The following KCNMA1 variants were observed in gnomAD, a reference collection of about 807,000 sequenced individuals.
KCNMA1 encodes potassium calcium-activated channel subfamily M alpha 1.
In KCNMA1, 29 loss-of-function variants were observed where a neutral mutation model predicts 140.0. That is an observed-to-expected ratio of 0.21 (90% CI 0.15 to 0.28). The LOEUF (loss-of-function observed/expected upper bound fraction) is 0.28. Among genes scored for constraint, KCNMA1 ranks in the 10% least tolerant of loss-of-function variants. KCNMA1 has a pLI of 1.00. For missense variants in KCNMA1, 880 were observed against 1,602.2 expected (o/e 0.55, Z 7.70); for synonymous variants, 612 against 611.9 (o/e 1.00, Z 0.00).
At chr10:77,043,554 G>A (rs1204529336) in intron 14 of KCNMA1, among the ~76,000 whole-genome samples, 1 of 152,190 alleles carries the variant, frequency 6.6e-6, no homozygotes, top group Non-Finnish European at 1.5e-5. Flanking sequence ...CATGCTCACA[G>A]CAGCATTAGT....
chr10:77,563,478 G>T (rs2067079737), intron 1 of KCNMA1, among the ~76,000 whole-genome samples: 1 of 152,032 alleles, frequency 6.6e-6, no homozygotes, highest in South Asian at 2.1e-4. Flanking sequence ...TACCCAGAGA[G>T]AACTGACAGG....
chr10:77,344,092 G>A (rs1462099657), intron 2 of KCNMA1, among the ~76,000 whole-genome samples: 1 of 152,198 alleles, frequency 6.6e-6, no homozygotes, highest in Non-Finnish European at 1.5e-5. Context: ...GCCCAGAAGT[G>A]ATGCACATCC....
At chr10:77,636,602 T>G (rs927351117) in intron 1 of KCNMA1, 1 of 1,536,048 alleles carries the variant, frequency 6.5e-7, no homozygotes, top group African/African-American at 1.4e-5. Flanking sequence ...ACATCAGATA[T>G]GCGACCTCGA....
downstream of KCNMA1, chr10:76,872,351 G>T (rs773465388): frequency 7.9e-5 from 12 of 152,218 alleles, no homozygotes; most frequent in Non-Finnish European, 1.5e-4. Flanking sequence ...TTGCTGCTGA[G>T]AAAATGTTCA....
chr10:76,905,168 G>A (rs145573581), intron 25 of KCNMA1: 2 of 152,344 alleles, frequency 1.3e-5, no homozygotes, highest in East Asian at 3.9e-4. Context: ...AGACTGCAAT[G>A]TGACATTTCG....
chr10:76,885,025 G>C lies in KCNMA1; in HGVS notation c.*2241C>G, dbSNP rs2036229775. Reference sequence around the variant, plus strand: ...CTATTCATCCTTGTTGCACTTTAGAGAGAGAAGTAAGCTATGTGAGTTTTA... The same window carrying C: ...CTATTCATCCTTGTTGCACTTTAGACAGAGAAGTAAGCTATGTGAGTTTTA... On this transcript the variant is annotated 3_prime_UTR_variant, in exon 28 of 28. Transcript: ENST00000286628. 1.3e-6 allele frequency: 2 copies of C among 1,548,428 alleles called. No individual in the cohort carries two copies.
chr10:77,216,406 C>T (rs1025341577), intron 3 of KCNMA1, among the ~76,000 whole-genome samples: 17 of 151,740 alleles, frequency 1.1e-4, no homozygotes, highest in African/African-American at 3.4e-4. Flanking sequence ...GTGAGAGAAG[C>T]GGGAGGAAGA....
chr10:77,361,623 C>A (rs893702720), intron 2 of KCNMA1, among the ~76,000 whole-genome samples: 2 of 152,266 alleles, frequency 1.3e-5, no homozygotes, highest in Non-Finnish European at 2.9e-5. Context: ...CTCCCACTCC[C>A]ACTGCCGAGT....
intron 2 of KCNMA1, among the ~76,000 whole-genome samples, chr10:77,261,041 C>A (rs1473176448): frequency 1.3e-5 from 2 of 152,148 alleles, no homozygotes; most frequent in Non-Finnish European, 2.9e-5. Flanking sequence ...ATCAGAAAGA[C>A]CGGGTCTCTG....
intron 1 of KCNMA1, among the ~76,000 whole-genome samples, chr10:77,530,661 A>G (rs558330786): frequency 9.9e-5 from 15 of 152,204 alleles, no homozygotes; most frequent in Non-Finnish European, 1.5e-4. Flanking sequence ...ACAGACACAA[A>G]GAGAAAGATG....
intron 23 of KCNMA1, among the ~76,000 whole-genome samples, chr10:76,920,420 G>C (rs2055248207): frequency 6.6e-6 from 1 of 152,084 alleles, no homozygotes. Context: ...GAAGCACAGA[G>C]AAGGTAAGCA....
rs144956499 is a variant in KCNMA1, at chr10:77,450,287, C to T, written c.379-46264G>A. Among the ~76,000 whole-genome samples, 756 of 149,320 alleles carry T rather than the reference C, an allele frequency of 5.1e-3. 3 individuals carry two copies. The highest frequency in any genetic ancestry group is 0.017 in the African/African-American group (692 of 40,606). ...GCCAGGTTGGTCTCGAACTCCTGCCCTGAGGTGATCCACCTGCCTCGGCCT... is the reference window on the plus strand; with the variant it reads ...GCCAGGTTGGTCTCGAACTCCTGCCTTGAGGTGATCCACCTGCCTCGGCCT... On this transcript the variant is annotated intron_variant, in intron 1 of 27. Transcript: ENST00000286628.
intron 2 of KCNMA1, among the ~76,000 whole-genome samples, chr10:77,286,704 A>C (rs1429973723): frequency 6.7e-6 from 1 of 149,708 alleles, no homozygotes; most frequent in African/African-American, 2.4e-5. Context: ...AGCCAGCAGC[A>C]ATCTTATTAG....
At chr10:77,479,035 C>T (rs1251366834) in intron 1 of KCNMA1, among the ~76,000 whole-genome samples, 1 of 152,122 alleles carries the variant, frequency 6.6e-6, no homozygotes, top group Non-Finnish European at 1.5e-5. Flanking sequence ...TAAAACGAAT[C>T]ATGAACAGTA....
intron 1 of KCNMA1, among the ~76,000 whole-genome samples, chr10:77,429,989 A>G (rs1422252016): frequency 3.3e-5 from 5 of 152,180 alleles, no homozygotes; most frequent in Admixed American, 6.5e-5. Flanking sequence ...ATTAATCCTC[A>G]AGAAGATACA....
chr10:77,354,719 G>A (rs2093309711), intron 2 of KCNMA1: 1 of 152,208 alleles, frequency 6.6e-6, no homozygotes, highest in African/African-American at 2.4e-5. Context: ...AAGCAAGTTT[G>A]TCCAGAGTAC....
chr10:77,430,418 C>A (rs960720437), intron 1 of KCNMA1, among the ~76,000 whole-genome samples: 2 of 152,138 alleles, frequency 1.3e-5, no homozygotes, highest in African/African-American at 4.8e-5. Context: ...TTCTCAAAAC[C>A]CTCTTTGGAA....
intron 1 of KCNMA1, among the ~76,000 whole-genome samples, chr10:77,423,507 C>T (rs1211840780): frequency 2.6e-5 from 4 of 151,994 alleles, no homozygotes; most frequent in Admixed American, 1.3e-4. Context: ...GTCCTGTGCC[C>T]GATACCTTAG....
chr10:77,583,836 G>A (rs1383129967), intron 1 of KCNMA1, among the ~76,000 whole-genome samples: 3 of 152,158 alleles, frequency 2.0e-5, no homozygotes, highest in Admixed American at 2.0e-4. Context: ...AAAGGCTTTG[G>A]TGCCCAACCC....
Sources: gnomAD v4.1 joint callset for allele counts (sites outside exome capture counted in the v4.1 genomes callset) on GRCh38, gnomAD v4.1.1 for gene constraint, MANE v1.5 for transcripts, NCBI Gene and HGNC (gene_info 2026-07-23, HGNC 2026-07-21) for gene names.